The following PDE1C variants were observed in gnomAD, a reference collection of about 807,000 sequenced individuals.
PDE1C encodes dual specificity calcium/calmodulin-dependent 3',5'-cyclic nucleotide phosphodiesterase 1C.
PDE1C carries 62 observed loss-of-function variants against 93.1 expected under a neutral mutation model. The observed-to-expected ratio is 0.67, with a 90% CI of 0.54 to 0.82. The LOEUF (loss-of-function observed/expected upper bound fraction) is 0.82. Among genes scored for constraint, PDE1C ranks in the 40% least tolerant of loss-of-function variants. PDE1C has a pLI of 0.00. For missense variants in PDE1C, 742 were observed against 884.6 expected (o/e 0.84, Z 2.04); for synonymous variants, 325 against 310.1 (o/e 1.05, Z -0.50).
chr7:31,877,599 T>C (rs1796748653), intron 5 of PDE1C, among the ~76,000 whole-genome samples: 1 of 151,038 alleles, frequency 6.6e-6, no homozygotes, highest in South Asian at 2.1e-4. Context: ...GAGTAGGTAA[T>C]CAGATAATGG....
intron 2 of PDE1C, among the ~76,000 whole-genome samples, chr7:32,028,324 T>C (rs1394139480): frequency 6.6e-6 from 1 of 152,254 alleles, no homozygotes; most frequent in East Asian, 1.9e-4. Flanking sequence ...CTTTCAAATA[T>C]GTATTTATTC....
chr7:31,729,025 T>A, the PDE1C span, among the ~76,000 whole-genome samples: 2 of 152,206 alleles, frequency 1.3e-5, no homozygotes, highest in African/African-American at 2.4e-5. Context: ...GCAGATGATA[T>A]TGGACCTTAG....
chr7:32,310,450 T>A (rs1782995736), intron 1 of PDE1C, among the ~76,000 whole-genome samples: 1 of 152,122 alleles, frequency 6.6e-6, no homozygotes, highest in Admixed American at 6.6e-5. Context: ...AGAATATACA[T>A]TTTTTTCAGC....
intron 17 of PDE1C, among the ~76,000 whole-genome samples, chr7:31,765,130 CAT>C (rs1795061083): frequency 6.6e-6 from 1 of 152,128 alleles, no homozygotes; most frequent in African/African-American, 2.4e-5. Context: ...GGCACTGAGA[CAT>C]ATTTTTTGAG....
chr7:31,847,051 C>T (rs1479182158), intron 9 of PDE1C, among the ~76,000 whole-genome samples: 6 of 152,062 alleles, frequency 3.9e-5, no homozygotes, highest in Admixed American at 6.6e-5. Context: ...TGAGTCACAA[C>T]GGATTCAGAG....
At chr7:32,062,446 A>G (rs1794925949) in intron 1 of PDE1C, among the ~76,000 whole-genome samples, 1 of 152,180 alleles carries the variant, frequency 6.6e-6, no homozygotes, top group Non-Finnish European at 1.5e-5. Context: ...CAGAGGGGCC[A>G]TGCTCCTTCT....
intron 1 of PDE1C, among the ~76,000 whole-genome samples, chr7:32,245,358 G>T (rs1049018372): frequency 6.6e-6 from 1 of 152,072 alleles, no homozygotes; most frequent in African/African-American, 2.4e-5. Flanking sequence ...ATCTATAAAA[G>T]AACTAAGCAA....
At chr7:32,143,503 C>G (rs1031616637) in intron 3 of PDE1C, among the ~76,000 whole-genome samples, 4 of 152,010 alleles carry the variant, frequency 2.6e-5, no homozygotes, top group Non-Finnish European at 5.9e-5. Flanking sequence ...GCTTGAGCTT[C>G]TCTTCTTGCC....
intron 17 of PDE1C, among the ~76,000 whole-genome samples, chr7:31,767,202 T>C (rs1795201152): frequency 3.3e-5 from 5 of 152,236 alleles, no homozygotes; most frequent in Admixed American, 3.3e-4. Context: ...ATTAAGTTGA[T>C]ACATTCTCTT....
At chr7:31,918,783 C>T (rs935118012) in intron 2 of PDE1C, among the ~76,000 whole-genome samples, 18 of 152,164 alleles carry the variant, frequency 1.2e-4, no homozygotes, top group Admixed American at 2.0e-4. Context: ...TCACATAAAA[C>T]GGTTTCATGA....
At chr7:32,088,868 C>A (rs1341657127) in intron 3 of PDE1C, among the ~76,000 whole-genome samples, 2 of 152,146 alleles carry the variant, frequency 1.3e-5, no homozygotes, top group South Asian at 2.1e-4. Flanking sequence ...CATTTTGGAG[C>A]GGGGTGGCAC....
chr7:31,695,270 T>A, the PDE1C span, among the ~76,000 whole-genome samples: 1 of 152,184 alleles, frequency 6.6e-6, no homozygotes, highest in South Asian at 2.1e-4. Context: ...TACAGCATTC[T>A]AGTTTTCGAT....
intron 17 of PDE1C, among the ~76,000 whole-genome samples, chr7:31,769,181 A>G (rs545806984): frequency 6.6e-6 from 1 of 152,142 alleles, no homozygotes; most frequent in African/African-American, 2.4e-5. Flanking sequence ...CTTCACTCAT[A>G]AGCAATAATT....
the PDE1C span, among the ~76,000 whole-genome samples, chr7:31,706,574 C>T: frequency 6.6e-6 from 1 of 152,164 alleles, no homozygotes; most frequent in African/African-American, 2.4e-5. Flanking sequence ...CCTCCTGGTA[C>T]AGTACTGACA....
intron 2 of PDE1C, among the ~76,000 whole-genome samples, chr7:32,206,039 A>G (rs1805462934): frequency 6.6e-6 from 1 of 152,310 alleles, no homozygotes; most frequent in Non-Finnish European, 1.5e-5. Flanking sequence ...GTACTGTTCT[A>G]GGATCAAGGT....
chr7:32,195,015 T>C (rs1230945644), intron 2 of PDE1C, among the ~76,000 whole-genome samples: 36 of 152,220 alleles, frequency 2.4e-4, no homozygotes, highest in Admixed American at 2.4e-3. Flanking sequence ...TTTGGAAGTG[T>C]AAGTAAAATG....
chr7:31,651,756 G>T, the PDE1C span, among the ~76,000 whole-genome samples: 2 of 143,282 alleles, frequency 1.4e-5, no homozygotes, highest in African/African-American at 5.2e-5. Context: ...ATATTATACT[G>T]CAATAAAGTT....
chr7:32,228,261 A>T (rs1427147897), intron 1 of PDE1C, among the ~76,000 whole-genome samples: 1 of 152,222 alleles, frequency 6.6e-6, no homozygotes, highest in Non-Finnish European at 1.5e-5. Flanking sequence ...TTACAGAGGT[A>T]ATGAAACAAG....
chr7:32,213,203 A>ATT lies in PDE1C; in HGVS notation c.86-3666_86-3665dup, dbSNP rs528905804. On this transcript the variant is annotated intron_variant, in intron 1 of 18. Transcript: ENST00000396193. ...TCACTATGCTTTCAATTTTTAAACA[A>ATT]TTGTCAGCCCACATTTAAAAACCAA... 5.9e-5 allele frequency among the ~76,000 whole-genome samples: 9 copies of ATT among 152,252 alleles called. No homozygotes were observed. The South Asian group carries it at 1.9e-3, about 32-fold the overall frequency.
Sources: gnomAD v4.1 joint callset for allele counts (sites outside exome capture counted in the v4.1 genomes callset) on GRCh38, gnomAD v4.1.1 for gene constraint, MANE v1.5 for transcripts, NCBI Gene and HGNC (gene_info 2026-07-23, HGNC 2026-07-21) for gene names.